GMIP: variants seen among roughly 807,000 people sequenced by gnomAD.
GMIP encodes the protein GEM interacting protein.
A neutral mutation model predicts 105.3 loss-of-function variants in GMIP; 54 were observed. That is an observed-to-expected ratio of 0.51 (90% CI 0.41 to 0.64). The LOEUF is 0.64. Among genes scored for constraint, GMIP ranks in the 30% least tolerant of loss-of-function variants. The probability of loss-of-function intolerance (pLI) is 0.00; values close to 1 mark genes in which losing one functional copy is unlikely to be tolerated. For synonymous variants in GMIP, 541 were observed against 560.8 expected, an observed-to-expected ratio of 0.96 and a Z score of 0.50; for missense variants, 1,110 against 1,319.4, an observed-to-expected ratio of 0.84 and a Z score of 2.46.
intron 4 of GMIP, 146 bp from the exon 5 acceptor site, chr19:19,640,717 A>G (rs973461499): frequency 8.3e-5 from 43 of 516,288 alleles, no homozygotes; most frequent in Middle Eastern, 5.6e-4. Flanking sequence ...CCTGGTTGCA[A>G]TTTTACAGAT....
At chr19:19,643,317 G>C (rs2061944105) in intron 1 of GMIP, 194 bp downstream of exon 1, 1 of 486,054 alleles carries the variant, frequency 2.1e-6, no homozygotes, top group South Asian at 3.7e-5. Flanking sequence ...GGATCAAAAG[G>C]GGGAGGGGGA....
chr19:19,635,259 G>A lies in GMIP; in HGVS notation c.1561-46C>T. 1 of 1,569,494 alleles carries A rather than the reference G, an allele frequency of 6.4e-7. No homozygotes were observed. Among genetic ancestry groups the A allele is most frequent in the Non-Finnish European group, 8.7e-7 (1 of 1,146,666 alleles). ...ACAGGGAGGTCATTAGGGACCAGTA[G>A]GGGAAGAGAAGGTTACAAGGATCCT... On this transcript the variant is annotated intron_variant, in intron 15 of 20. Transcript: ENST00000203556. The surrounding 1 kb of genome is among the most constrained non-coding windows in gnomAD (Gnocchi z 4.7).
intron 7 of GMIP, 40 bp downstream of exon 7, chr19:19,640,045 G>T: frequency 1.7e-6 from 2 of 1,163,104 alleles, no homozygotes; most frequent in Non-Finnish European, 2.6e-6. Flanking sequence ...CAGCAGGATA[G>T]CAGGGTGACC....
intron 7 of GMIP, among the ~76,000 whole-genome samples, chr19:19,639,268 A>G (rs550727275): frequency 1.6e-4 from 24 of 148,536 alleles, no homozygotes; most frequent in African/African-American, 5.0e-4. Flanking sequence ...TTGTAGAGAC[A>G]GGGGGTCTCA....
rs780707075 is a variant in GMIP, at chr19:19,630,194, C to T, written c.2682G>A (p.Leu894=). Residue 894 remains leucine (L), a synonymous_variant, in exon 21 of 21, where the codon CTG becomes CTA. Coordinates refer to ENST00000203556, the MANE Select transcript of GMIP (RefSeq NM_016573.4). The surrounding 1 kb of genome is among the most constrained non-coding windows in gnomAD (Gnocchi z 4.8). ...CTGATGTGATGGGGGTCTCCTCGCA[C>T]AGCTTGGAAGCCACCAGGGCCAGAC... ...LSSLALVASK[L]CEETPITSVP... 6.2e-7 allele frequency: 1 copy of T among 1,601,612 alleles called. No homozygotes were observed. The highest frequency in any genetic ancestry group is 1.7e-5 in the Admixed American group (1 of 59,310).
Position 19,637,671 on chromosome 19 carries a change from G to A in GMIP, c.928-110C>T, listed in dbSNP as rs953967431. On this transcript the variant is annotated intron_variant, in intron 10 of 20. Transcript: ENST00000203556. The surrounding 1 kb of genome is among the most constrained non-coding windows in gnomAD (Gnocchi z 6.7). ...CGCGAACGTGGTCAGGGTTTGGGAC[G>A]CACCTGGGCGGCTTAGGAACTAGGG... is the stretch of plus-strand genomic sequence containing the variant. 4.2e-6 allele frequency: 4 copies of A among 959,452 alleles called. No individual in the cohort carries two copies. Among genetic ancestry groups the A allele is most frequent in the African/African-American group, 3.4e-5 (2 of 58,004 alleles). 59.4% of individuals were successfully genotyped at this position (959,452 alleles called of 1,614,324 possible).
chr19:19,636,770 C>T lies in GMIP; in HGVS notation c.1264G>A (p.Asp422Asn), dbSNP rs958313419. 3.7e-6 allele frequency: 6 copies of T among 1,613,046 alleles called. No homozygotes were observed. Among genetic ancestry groups the T allele is most frequent in the Admixed American group, 1.7e-5 (1 of 59,856 alleles). ...CTGCCGCCACCCACGCTGTCCACATCGCTGCCCGGAGTGGGGCCTGGAGTC... is the reference window on the plus strand; with the variant it reads ...CTGCCGCCACCCACGCTGTCCACATTGCTGCCCGGAGTGGGGCCTGGAGTC... ...QGTPGPTPGS[D>N]VDSVGGGSES... is the part of the protein sequence containing the mutation. Residue 422 changes from aspartate to asparagine, a missense_variant, in exon 13 of 21, where the codon GAT (aspartate) becomes AAT (asparagine). Transcript: ENST00000203556.
chr19:19,640,329 G>C lies in GMIP; in HGVS notation c.396C>G (p.Ile132Met), dbSNP rs756118368. 5 of 1,613,984 alleles carry C rather than the reference G, an allele frequency of 3.1e-6. No homozygotes were observed. Among genetic ancestry groups the C allele is most frequent in the Non-Finnish European group, 4.2e-6 (5 of 1,179,996 alleles). ...GAATGGACACCTTGCCAGCTTCAGC[G>C]ATCTTCATGGTGCTCTTAGCAAACT... ...ELEFAKSTMK[I>M]AEAGKVSIQQ... The change falls in exon 6 of 21, where the codon ATC becomes ATG. Residue 132 changes from isoleucine to methionine, a missense_variant. Physicochemically the swap from Ile to Met is conservative, Grantham distance 10. This residue lies in a region of GMIP where 667 missense variants were observed against 773.2 expected (regional missense o/e 0.86). Transcript: ENST00000203556.
Position 19,629,987 on chromosome 19 carries a change from A to G in GMIP, c.2889T>C (p.Pro963=). The change falls in exon 21 of 21, where the codon CCT becomes CCC. Residue 963 remains proline, a synonymous_variant. Coordinates refer to ENST00000203556, the MANE Select transcript of GMIP (RefSeq NM_016573.4). ...PRATCCPDVQ[P]EEAEDHL is the part of the protein sequence containing the mutation. ...GTCAGAGATGGTCCTCGGCTTCCTC[A>G]GGCTGGACGTCCGGGCAGCAGGTGG... 1 of 1,609,116 alleles carries G rather than the reference A, an allele frequency of 6.2e-7. No homozygotes were observed.
chr19:19,641,621 A>G (rs2061919955), intron 4 of GMIP, among the ~76,000 whole-genome samples, 189 bp downstream of exon 4: 2 of 152,164 alleles, frequency 1.3e-5, no homozygotes, highest in South Asian at 4.1e-4. Context: ...CCTGGCTTCA[A>G]GTGATCCTCC....
Position 19,630,802 on chromosome 19 carries a change from G to A in GMIP, c.2473-265C>T, listed in dbSNP as rs1301924752. ...TTTGCACCTACTCTGCACTGGGTGT[G>A]GACTACCATTGAACTCCTCCTATGC... On this transcript the variant is annotated intron_variant, in intron 19 of 20. Coordinates refer to ENST00000203556, the MANE Select transcript of GMIP (RefSeq NM_016573.4). This position sits in a 1 kb window ranked among gnomAD's most constrained non-coding sequence, Gnocchi z 4.8. 2.0e-5 allele frequency among the ~76,000 whole-genome samples: 3 copies of A among 152,172 alleles called. No individual in the cohort carries two copies. The highest frequency in any genetic ancestry group is 4.8e-5 in the African/African-American group (2 of 41,446).
At position 19,637,338 on chromosome 19, in the gene GMIP, TC is replaced by T. The variant is rs1174707494; in HGVS notation, c.1124+26del. The T allele has an allele frequency of 7.0e-7, 1 of 1,438,814 alleles. No individual in the cohort carries two copies. Among genetic ancestry groups the T allele is most frequent in the Non-Finnish European group, 9.3e-7 (1 of 1,076,092 alleles). 89.1% of individuals were successfully genotyped at this position (1,438,814 alleles called of 1,614,324 possible). The stretch of plus-strand genomic sequence containing the variant: ...CTGGCATCGCGATTCCGGGGCTCGT[TC>T]CCGACTCCCTGCTCCAGTGACCCAC... On this transcript the variant is annotated intron_variant, in intron 11 of 20. Transcript: ENST00000203556. The surrounding 1 kb of genome is among the most constrained non-coding windows in gnomAD (Gnocchi z 6.7).
intron 1 of GMIP, 125 bp from the exon 2 acceptor site, chr19:19,642,744 G>GC (rs1300844570): frequency 1.9e-6 from 1 of 523,546 alleles, no homozygotes; most frequent in African/African-American, 1.9e-5. Context: ...GAGAGGGCTG[G>GC]GGGGGGCTTG....
chr19:19,640,000 G>T, intron 7 of GMIP, 85 bp downstream of exon 7: 2 of 738,510 alleles, frequency 2.7e-6, no homozygotes, highest in Non-Finnish European at 4.6e-6. Flanking sequence ...CTTCCTCCCA[G>T]CTTGCTGGGA....
At position 19,637,529 on chromosome 19, in the gene GMIP, C is replaced by T; in HGVS notation, c.960G>A (p.Ala320=). 6.5e-7 allele frequency: 1 copy of T among 1,534,414 alleles called. No homozygotes were observed. ...VTLSLFGLRG[A]QAERGPRAFA... Reference sequence around the variant, plus strand: ...AGGCGCGGGGGCCACGCTCTGCCTGCGCCCCCCGCAGCCCGAAGAGACTCA... The same window carrying T: ...AGGCGCGGGGGCCACGCTCTGCCTGTGCCCCCCGCAGCCCGAAGAGACTCA... The change falls in exon 11 of 21, where the codon GCG becomes GCA. Residue 320 remains alanine, a synonymous_variant. Transcript: ENST00000203556. This position sits in a 1 kb window ranked among gnomAD's most constrained non-coding sequence, Gnocchi z 6.7.
chr19:19,641,686 T>C (rs1436834856), intron 4 of GMIP, 124 bp downstream of exon 4: 9 of 762,654 alleles, frequency 1.2e-5, no homozygotes, highest in Admixed American at 2.0e-5. Context: ...CTGAGATCTG[T>C]TGTGTGTACT....
In GMIP at chr19:19,630,312, G is replaced by A. The variant is rs1265589271; in HGVS notation, c.2564C>T (p.Ser855Leu). ...GCCACGAGACTGTGTCCCCAGGAGT[G>A]AGTCCTCTGGGCCTTGGCTGGACAC... ...GEVSSQGPED[S>L]LLGTQSRGHF... Residue 855 changes from serine to leucine, a missense_variant, in exon 21 of 21, where the codon TCA becomes TTA. Physicochemically the swap from Ser to Leu is moderately radical, Grantham distance 145. This residue lies in a region of GMIP where 394 missense variants were observed against 450.5 expected (regional missense o/e 0.87). Transcript: ENST00000203556. This position sits in a 1 kb window ranked among gnomAD's most constrained non-coding sequence, Gnocchi z 4.8. 1 of 1,542,254 alleles carries A rather than the reference G, an allele frequency of 6.5e-7. No homozygotes were observed. Among genetic ancestry groups the A allele is most frequent in the African/African-American group, 1.4e-5 (1 of 72,990 alleles).
chr19:19,634,116 C>A lies in GMIP; in HGVS notation c.2159G>T (p.Arg720Leu). The A allele has an allele frequency of 4.3e-6, 7 of 1,612,488 alleles. No homozygotes were observed. The highest frequency in any genetic ancestry group is 5.9e-6 in the Non-Finnish European group (7 of 1,179,448). ...LGIVFGPTLLRPPDGPRAASA... is the reference protein window; with the variant it reads ...LGIVFGPTLLLPPDGPRAASA... ...GGCTGCCCGCGGGCCGTCCGGCGGC[C>A]GCAGCAGTGTCGGCCCAAACACAAT... The change falls in exon 19 of 21, where the codon CGG (arginine) becomes CTG (leucine). Residue 720 changes from arginine to leucine, a missense_variant. Transcript: ENST00000203556. The surrounding 1 kb of genome is among the most constrained non-coding windows in gnomAD (Gnocchi z 6.1).
At chr19:19,642,669 C>T (rs777037905) in intron 1 of GMIP, 50 bp from the exon 2 acceptor site, 32 of 861,270 alleles carry the variant, frequency 3.7e-5, no homozygotes, top group Non-Finnish European at 3.6e-5. Flanking sequence ...TCCCTCCACC[C>T]ACGGCACCTC....
Sources: allele counts gnomAD v4.1 joint callset (sites outside exome capture counted in the v4.1 genomes callset), GRCh38; gene constraint gnomAD v4.1.1; regional missense constraint gnomAD v4.1.1; non-coding constraint Gnocchi (gnomAD v3.1); transcripts MANE v1.5; gene names NCBI Gene and HGNC (gene_info 2026-07-23, HGNC 2026-07-21).